The following AGTPBP1 variants were observed in gnomAD, a reference collection of about 807,000 sequenced individuals.
The protein encoded by AGTPBP1 is cytosolic carboxypeptidase 1.
A neutral mutation model predicts 143.9 loss-of-function variants in AGTPBP1; 70 were observed. The ratio of observed to expected loss-of-function variants is 0.49; its 90% CI spans 0.40 to 0.59. AGTPBP1 has a LOEUF of 0.59. Among genes scored for constraint, AGTPBP1 ranks in the 20% least tolerant of loss-of-function variants. The probability of loss-of-function intolerance (pLI) is 0.00; values close to 1 mark genes in which losing one functional copy is unlikely to be tolerated. For missense variants in AGTPBP1, 1,229 were observed against 1,464.5 expected, an observed-to-expected ratio of 0.84 and a Z score of 2.62; for synonymous variants, 463 against 500.2, an observed-to-expected ratio of 0.93 and a Z score of 0.99.
At chr9:85,565,168 ACT>A (rs1827005249) in intron 25 of AGTPBP1, among the ~76,000 whole-genome samples, 1 of 152,270 alleles carries the variant, frequency 6.6e-6, no homozygotes, top group Non-Finnish European at 1.5e-5. Flanking sequence ...TCAATGAGTT[ACT>A]ACTTATGTTG....
chr9:85,760,535 T>C, the AGTPBP1 span, among the ~76,000 whole-genome samples: 3 of 152,176 alleles, frequency 2.0e-5, no homozygotes, highest in Non-Finnish European at 4.4e-5. Context: ...ATTGTCTCAA[T>C]AGATGCAGAA....
At chr9:85,717,489 A>C (rs1001334033) in intron 1 of AGTPBP1, among the ~76,000 whole-genome samples, 33 of 152,290 alleles carry the variant, frequency 2.2e-4, no homozygotes, top group Middle Eastern at 3.4e-3. Flanking sequence ...GTGACAGAGC[A>C]AGACGCTGTC....
At position 85,588,468 on chromosome 9, in the gene AGTPBP1, A is replaced by G. The variant is rs779566488; in HGVS notation, c.2733T>C (p.Pro911=). The G allele has an allele frequency of 1.7e-5, 27 of 1,610,972 alleles. No individual in the cohort carries two copies. In the East Asian group the frequency reaches 5.6e-4, roughly 33 times the overall value. Residue 911 remains proline, a synonymous_variant, in exon 21 of 26, where the codon CCT becomes CCC. Transcript: ENST00000357081. The part of the protein sequence containing the change: ...YEHICHFRNR[P]YVFLSARVHP... The stretch of plus-strand genomic sequence containing the variant: ...GTACCCGAGCAGACAAGAAAACGTA[A>G]GGGCGATTTCCTAAAGTACACATAA...
chr9:85,746,066 A>AAC (rs1564208423), upstream of AGTPBP1, among the ~76,000 whole-genome samples: 1 of 152,048 alleles, frequency 6.6e-6, no homozygotes, highest in Non-Finnish European at 1.5e-5. Flanking sequence ...ATCAACAGGA[A>AAC]AGCCCATTTG....
chr9:85,801,504 C>G, the AGTPBP1 span, among the ~76,000 whole-genome samples: 1 of 151,866 alleles, frequency 6.6e-6, no homozygotes, highest in Non-Finnish European at 1.5e-5. Context: ...TGTGGCAGAG[C>G]TAGCATCTGT....
intron 6 of AGTPBP1, among the ~76,000 whole-genome samples, chr9:85,675,201 C>T (rs1376508116): frequency 6.6e-6 from 1 of 151,790 alleles, no homozygotes; most frequent in African/African-American, 2.4e-5. Flanking sequence ...CGGCCAAAGG[C>T]AAAACTCTTA....
chr9:85,642,958 A>G lies in AGTPBP1; in HGVS notation c.1186-15T>C, dbSNP rs755601179. ...ATATCATCATTCTGAAATGATAAAA[A>G]GAGTATGTTATCAGGTAAAACAAAA... On this transcript the variant is annotated splice_polypyrimidine_tract_variant and intron_variant, in intron 12 of 25. Transcript: ENST00000357081. 3.2e-6 allele frequency: 5 copies of G among 1,580,604 alleles called. No individual in the cohort carries two copies. Among genetic ancestry groups the G allele is most frequent in the East Asian group, 2.2e-5 (1 of 44,584 alleles).
chr9:85,594,483 G>A (rs1829168845), intron 18 of AGTPBP1, among the ~76,000 whole-genome samples: 1 of 152,164 alleles, frequency 6.6e-6, no homozygotes, highest in Non-Finnish European at 1.5e-5. Flanking sequence ...GGAAGCTGAG[G>A]TGAGAGGATC....
chr9:85,730,920 A>G (rs1408013463), intron 1 of AGTPBP1, among the ~76,000 whole-genome samples: 1 of 152,220 alleles, frequency 6.6e-6, no homozygotes, highest in Non-Finnish European at 1.5e-5. Context: ...TTGAACCCAT[A>G]CTGATACATT....
At chr9:85,758,506 G>A in the AGTPBP1 span, among the ~76,000 whole-genome samples, 15 of 151,980 alleles carry the variant, frequency 9.9e-5, no homozygotes, top group Non-Finnish European at 1.3e-4. Context: ...TTAGCCAGGC[G>A]TGGTTGTGGG....
chr9:85,758,358 G>A, the AGTPBP1 span, among the ~76,000 whole-genome samples: 1 of 151,954 alleles, frequency 6.6e-6, no homozygotes, highest in Admixed American at 6.6e-5. Flanking sequence ...AAGGGTTGGA[G>A]GATAGGCAGG....
intron 18 of AGTPBP1, among the ~76,000 whole-genome samples, chr9:85,594,319 T>C (rs1829156968): frequency 6.6e-6 from 1 of 152,208 alleles, no homozygotes; most frequent in South Asian, 2.1e-4. Context: ...GATTTTAATC[T>C]TTATCATCTA....
intron 17 of AGTPBP1, among the ~76,000 whole-genome samples, chr9:85,614,754 T>C (rs1049466436): frequency 6.6e-6 from 1 of 151,884 alleles, no homozygotes; most frequent in East Asian, 1.9e-4. Flanking sequence ...CAAACATAAT[T>C]AGTGTGTATG....
chr9:85,682,403 A>T (rs1216135108), intron 3 of AGTPBP1, among the ~76,000 whole-genome samples: 1 of 152,192 alleles, frequency 6.6e-6, no homozygotes, highest in African/African-American at 2.4e-5. Flanking sequence ...CTAAAGATTT[A>T]AGTTCAGAAA....
intron 11 of AGTPBP1, among the ~76,000 whole-genome samples, chr9:85,648,539 G>A (rs533157497): frequency 3.2e-4 from 49 of 152,310 alleles, no homozygotes; most frequent in Non-Finnish European, 5.7e-4. Context: ...GAATTAAGGC[G>A]CGGTGGTTCA....
chr9:85,682,423 A>C (rs1005337636), intron 3 of AGTPBP1, among the ~76,000 whole-genome samples: 2 of 152,182 alleles, frequency 1.3e-5, no homozygotes, highest in African/African-American at 4.8e-5. Context: ...AGGAGAATAA[A>C]TCTGTACAAG....
chr9:85,675,254 G>A (rs1834753469), intron 6 of AGTPBP1, among the ~76,000 whole-genome samples: 1 of 152,108 alleles, frequency 6.6e-6, no homozygotes, highest in Non-Finnish European at 1.5e-5. Context: ...TAATCTTTGT[G>A]CAAGTAGACA....
At chr9:85,669,744 T>C (rs565197758) in intron 7 of AGTPBP1, among the ~76,000 whole-genome samples, 166 bp from the exon 8 acceptor site, 6 of 151,964 alleles carry the variant, frequency 3.9e-5, no homozygotes, top group African/African-American at 1.4e-4. Flanking sequence ...TAGTGTTTTT[T>C]GTTTTTGCTT....
intron 17 of AGTPBP1, among the ~76,000 whole-genome samples, chr9:85,601,840 C>G (rs1414027781): frequency 6.6e-6 from 1 of 152,144 alleles, no homozygotes; most frequent in African/African-American, 2.4e-5. Flanking sequence ...AATGGCCGAC[C>G]TGGCATCCTC....
Sources: gnomAD v4.1 joint callset for allele counts (sites outside exome capture counted in the v4.1 genomes callset) on GRCh38, gnomAD v4.1.1 for gene constraint, MANE v1.5 for transcripts, NCBI Gene and HGNC (gene_info 2026-07-23, HGNC 2026-07-21) for gene names.